Variants in OR2M4 observed in about 807,000 individuals in gnomAD.
OR2M4 encodes the protein olfactory receptor 2M4.
OR2M4 carries 8 observed loss-of-function variants against 13.7 expected under a neutral mutation model. The ratio of observed to expected loss-of-function variants is 0.58; its 90% CI spans 0.34 to 1.05. The LOEUF (loss-of-function observed/expected upper bound fraction) is 1.05. Ranked by LOEUF, OR2M4 falls within the 50% of genes least tolerant of loss-of-function variation. The pLI, the probability that OR2M4 is intolerant of heterozygous loss-of-function variation, is 0.02. For synonymous variants in OR2M4, 152 were observed against 141.3 expected, an observed-to-expected ratio of 1.08 and a Z score of -0.53; for missense variants, 374 against 381.6, an observed-to-expected ratio of 0.98 and a Z score of 0.17.
rs1157578228 is a variant in OR2M4, at chr1:248,244,055, C to A, written c.*4191C>A. ...TAATAAAGTCAAATAATAACAAATACTAGTGAAGCTGTGGAGAAAAGGAAC... is the reference window on the plus strand; with the variant it reads ...TAATAAAGTCAAATAATAACAAATAATAGTGAAGCTGTGGAGAAAAGGAAC... On this transcript the variant is annotated 3_prime_UTR_variant, in exon 2 of 2. Transcript: ENST00000641868. The A allele has an allele frequency of 6.6e-6, 1 of 152,112 alleles. No homozygotes were observed. Among genetic ancestry groups the A allele is most frequent in the African/African-American group, 2.4e-5 (1 of 41,410 alleles). The allele number at this position is 152,112 out of a possible 1,614,324, so 9.4% of individuals were successfully genotyped here. A position where few individuals can be genotyped will look rare whatever the true frequency, so the allele number is the denominator to read the frequency against.
In OR2M4 at chr1:248,239,721, A is replaced by G; in HGVS notation, c.793A>G (p.Lys265Glu). 6.2e-7 allele frequency: 1 copy of G among 1,614,076 alleles called. No individual in the cohort carries two copies. Among genetic ancestry groups the G allele is most frequent in the Non-Finnish European group, 8.5e-7 (1 of 1,180,014 alleles). The change falls in exon 2 of 2, where the codon AAA becomes GAA. Residue 265 changes from lysine (K) to glutamate (E), a missense_variant. Physicochemically the swap from Lys to Glu is moderately conservative, Grantham distance 56. Coordinates refer to ENST00000641868, the MANE Select transcript of OR2M4 (RefSeq NM_017504.2). ...AMFMYMRPAS[K>E]HTPDQDKMVS... ...GTTCATGTACATGAGACCAGCTTCTAAACATACGCCAGACCAGGACAAGAT... is the reference window on the plus strand; with the variant it reads ...GTTCATGTACATGAGACCAGCTTCTGAACATACGCCAGACCAGGACAAGAT...
chr1:248,234,047 A>T (rs1380420912), intron 1 of OR2M4, among the ~76,000 whole-genome samples: 1 of 152,184 alleles, frequency 6.6e-6, no homozygotes, highest in Non-Finnish European at 1.5e-5. Flanking sequence ...TCAAAGCATC[A>T]AATGTGCAAT....
At chr1:248,237,469 CAT>C in intron 1 of OR2M4, among the ~76,000 whole-genome samples, 1 of 152,126 alleles carries the variant, frequency 6.6e-6, no homozygotes, top group East Asian at 1.9e-4. Flanking sequence ...GCCTGACCAA[CAT>C]GGTGTAACCC....
Position 248,239,890 on chromosome 1 carries a change from T to C in OR2M4, c.*26T>C. On this transcript the variant is annotated 3_prime_UTR_variant, in exon 2 of 2. Transcript: ENST00000641868. Reference sequence around the variant, plus strand: ...CCTTATCAAAATCTTTTTGAGTGCCTACTGTGGTCAACACTCATTCAAAAA... The same window carrying C: ...CCTTATCAAAATCTTTTTGAGTGCCCACTGTGGTCAACACTCATTCAAAAA... 3 of 1,440,628 alleles carry C rather than the reference T, an allele frequency of 2.1e-6. No homozygotes were observed. The highest frequency in any genetic ancestry group is 2.3e-5 in the East Asian group (1 of 43,580). 89.2% of individuals were successfully genotyped at this position (1,440,628 alleles called of 1,614,324 possible).
chr1:248,235,025 A>G (rs1388230466), intron 1 of OR2M4, among the ~76,000 whole-genome samples: 2 of 151,906 alleles, frequency 1.3e-5, no homozygotes, highest in African/African-American at 4.8e-5. Context: ...TCTATTTTTC[A>G]ATTTTAGCTC....
Position 248,240,519 on chromosome 1 carries a change from T to A in OR2M4, c.*655T>A, listed in dbSNP as rs1666608356. ...TTGGGCTGCACAGTCAACATCTGTA[T>A]CATGTCTGCTTTTATTCCTTATAAT... On this transcript the variant is annotated 3_prime_UTR_variant, in exon 2 of 2. Transcript: ENST00000641868. 6.6e-6 allele frequency: 1 copy of A among 152,208 alleles called. No homozygotes were observed. Among genetic ancestry groups the A allele is most frequent in the Non-Finnish European group, 1.5e-5 (1 of 68,052 alleles). 9.4% of individuals were successfully genotyped at this position (152,208 alleles called of 1,614,324 possible).
At position 248,231,447 on chromosome 1, in the gene OR2M4, G is replaced by C. The variant is rs1352308976; in HGVS notation, c.-153G>C. On this transcript the variant is annotated 5_prime_UTR_variant, in exon 1 of 2. Transcript: ENST00000641868. ...GACAAGTGGGTCATTTGGACTACTG[G>C]AGTTGCTGCTTTTGAATCTTTTCTA... is the stretch of plus-strand genomic sequence containing the variant. 6.6e-6 allele frequency: 1 copy of C among 152,194 alleles called. No individual in the cohort carries two copies. Among genetic ancestry groups the C allele is most frequent in the Non-Finnish European group, 1.5e-5 (1 of 68,048 alleles). 9.4% of individuals were successfully genotyped at this position (152,194 alleles called of 1,614,324 possible).
chr1:248,233,644 A>G (rs1666525751), intron 1 of OR2M4, among the ~76,000 whole-genome samples: 1 of 152,208 alleles, frequency 6.6e-6, no homozygotes, highest in Non-Finnish European at 1.5e-5. Context: ...ATACAGCTAA[A>G]TACATTTTGA....
chr1:248,231,947 G>C (rs1027184080), intron 1 of OR2M4, among the ~76,000 whole-genome samples: 1 of 128,986 alleles, frequency 7.8e-6, no homozygotes, highest in Admixed American at 7.5e-5. Flanking sequence ...TCTTCTACCT[G>C]GTGGATCTAC....
chr1:248,239,535 T>C lies in OR2M4; in HGVS notation c.607T>C (p.Cys203Arg), dbSNP rs758086235. ...ATTTGAAAGACTACTTGTCATTTGT[T>C]GTGTGGTAATGCTAATCTTTCCAGT... ...SAFERLLVIC[C>R]VVMLIFPVSV... The change falls in exon 2 of 2, where the codon TGT becomes CGT. Residue 203 changes from cysteine (C) to arginine (R), a missense_variant. Coordinates refer to ENST00000641868, the MANE Select transcript of OR2M4 (RefSeq NM_017504.2). 1 of 1,614,152 alleles carries C rather than the reference T, an allele frequency of 6.2e-7. No individual in the cohort carries two copies. Among genetic ancestry groups the C allele is most frequent in the Non-Finnish European group, 8.5e-7 (1 of 1,180,020 alleles).
intron 1 of OR2M4, 66 bp downstream of exon 1, chr1:248,231,646 A>G (rs908497549): frequency 6.6e-6 from 1 of 152,150 alleles, no homozygotes; most frequent in African/African-American, 2.4e-5. Context: ...CTGACCTTAT[A>G]TGACTTTATT....
chr1:248,233,533 AAAT>A (rs1287778479), intron 1 of OR2M4, among the ~76,000 whole-genome samples: 2 of 152,200 alleles, frequency 1.3e-5, no homozygotes, highest in African/African-American at 4.8e-5. Context: ...GTGGAATAAA[AAAT>A]AAACACCAAG....
At chr1:248,232,668 G>C (rs1023483256) in intron 1 of OR2M4, among the ~76,000 whole-genome samples, 1 of 151,980 alleles carries the variant, frequency 6.6e-6, no homozygotes, top group Non-Finnish European at 1.5e-5. Context: ...AATAGTTCTA[G>C]CAATGTGAGG....
rs1358984593 is a variant in OR2M4, at chr1:248,240,243, A to T, written c.*379A>T. The T allele has an allele frequency of 6.4e-6, 1 of 156,626 alleles. No homozygotes were observed. Among genetic ancestry groups the T allele is most frequent in the Non-Finnish European group, 1.4e-5 (1 of 71,334 alleles). 9.7% of individuals were successfully genotyped at this position (156,626 alleles called of 1,614,324 possible). A position where few individuals can be genotyped will look rare whatever the true frequency, so the allele number is the denominator to read the frequency against. ...TTCTTTGTTCACAAATTACTTACCT[A>T]TTAGTACTTGTTTTTAATTTGCCCA... is the stretch of plus-strand genomic sequence containing the variant. On this transcript the variant is annotated 3_prime_UTR_variant, in exon 2 of 2. Transcript: ENST00000641868.
In OR2M4 at chr1:248,242,767, T is replaced by G. The variant is rs1236317413; in HGVS notation, c.*2903T>G. 2.0e-5 allele frequency: 3 copies of G among 152,116 alleles called. No individual in the cohort carries two copies. The highest frequency in any genetic ancestry group is 2.9e-5 in the Non-Finnish European group (2 of 68,020). 9.4% of individuals were successfully genotyped at this position (152,116 alleles called of 1,614,324 possible). On this transcript the variant is annotated 3_prime_UTR_variant, in exon 2 of 2. Coordinates refer to ENST00000641868, the MANE Select transcript of OR2M4 (RefSeq NM_017504.2). ...GATCTACTAAGAGAAGTATGAAAAT[T>G]GAGCTTGAAATGGAAACATTTTATG...
chr1:248,236,383 A>T (rs1048209621), intron 1 of OR2M4, among the ~76,000 whole-genome samples: 2 of 152,224 alleles, frequency 1.3e-5, no homozygotes, highest in Non-Finnish European at 2.9e-5. Flanking sequence ...GAGACAATGT[A>T]TCAAAATCTC....
In OR2M4 at chr1:248,239,476, C is replaced by T. The variant is rs766452026; in HGVS notation, c.548C>T (p.Ala183Val). Reference sequence around the variant, plus strand: ...CATCACTTTTTCTGTGATGTTGCTGCCCTTTTACCTCTATCCTGCACAGAA... The same window carrying T: ...CATCACTTTTTCTGTGATGTTGCTGTCCTTTTACCTCTATCCTGCACAGAA... The part of the protein sequence containing the change: ...EIHHFFCDVA[A>V]LLPLSCTETS... The change falls in exon 2 of 2, where the codon GCC (alanine) becomes GTC (valine). Residue 183 changes from alanine to valine, a missense_variant. Ala to Val is a moderately conservative substitution (Grantham distance 64). Coordinates refer to ENST00000641868, the MANE Select transcript of OR2M4 (RefSeq NM_017504.2). 1.2e-5 allele frequency: 19 copies of T among 1,614,062 alleles called. No individual in the cohort carries two copies. The highest frequency in any genetic ancestry group is 1.6e-5 in the Non-Finnish European group (19 of 1,179,984).
chr1:248,235,135 G>C (rs1340085001), intron 1 of OR2M4, among the ~76,000 whole-genome samples: 1 of 151,890 alleles, frequency 6.6e-6, no homozygotes, highest in Non-Finnish European at 1.5e-5. Context: ...TTTATGGTTT[G>C]GAATTTTACA....
In OR2M4 at chr1:248,244,364, A is replaced by G. The variant is rs1352595908; in HGVS notation, c.*4500A>G. 2.0e-5 allele frequency: 3 copies of G among 152,240 alleles called. No homozygotes were observed. The highest frequency in any genetic ancestry group is 7.2e-5 in the African/African-American group (3 of 41,454). The allele number at this position is 152,240 out of a possible 1,614,324, so 9.4% of individuals were successfully genotyped here. On this transcript the variant is annotated 3_prime_UTR_variant, in exon 2 of 2. Transcript: ENST00000641868. ...CACAGAGTGCTACATAGCCATAAAA[A>G]AGAACAAAATCATGTCCTTTGTAGC... is the stretch of plus-strand genomic sequence containing the variant.
Sources: gnomAD v4.1 joint callset for allele counts (sites outside exome capture counted in the v4.1 genomes callset) on GRCh38, gnomAD v4.1.1 for gene constraint, MANE v1.5 for transcripts, NCBI Gene and HGNC (gene_info 2026-07-23, HGNC 2026-07-21) for gene names.